Variants in KAZN observed in about 807,000 individuals in gnomAD.
KAZN encodes the protein kazrin.
In KAZN, 40 loss-of-function variants were observed where a neutral mutation model predicts 87.4. That is an observed-to-expected ratio of 0.46 (90% CI 0.36 to 0.60). The LOEUF is 0.60. KAZN is among the 20% of genes least tolerant of loss of function. The pLI is 0.00. For synonymous variants in KAZN, 466 were observed against 458.3 expected (o/e 1.02, Z -0.22); for missense variants, 898 against 1,073.9 (o/e 0.84, Z 2.29).
chr1:14,139,545 T>A (rs1645186618), intron 1 of KAZN, among the ~76,000 whole-genome samples: 1 of 152,212 alleles, frequency 6.6e-6, no homozygotes, highest in Non-Finnish European at 1.5e-5. Context: ...CCCAGCCCCA[T>A]TATTCTATTC....
At chr1:14,181,158 G>A (rs975410779) in intron 2 of KAZN, among the ~76,000 whole-genome samples, 1 of 152,112 alleles carries the variant, frequency 6.6e-6, no homozygotes, top group East Asian at 1.9e-4. Context: ...TGGCTTTGTT[G>A]GTGGGTCTCT....
At chr1:14,264,845 G>A (rs756119200) in intron 2 of KAZN, among the ~76,000 whole-genome samples, 1 of 152,156 alleles carries the variant, frequency 6.6e-6, no homozygotes, top group African/African-American at 2.4e-5. Context: ...TAATGGTTCA[G>A]TAATTAGATT....
chr1:14,634,848 G>A (rs1040431285), intron 1 of KAZN, among the ~76,000 whole-genome samples: 4 of 152,102 alleles, frequency 2.6e-5, no homozygotes, highest in African/African-American at 9.7e-5. Context: ...AGGGGTGGGT[G>A]GGTTTTAGGA....
chr1:14,436,616 G>A (rs905082222), intron 2 of KAZN, among the ~76,000 whole-genome samples: 2 of 151,434 alleles, frequency 1.3e-5, no homozygotes, highest in Non-Finnish European at 2.9e-5. Flanking sequence ...TACTTGAGAA[G>A]CTGAGGCAGG....
chr1:14,204,138 C>T (rs371378449), intron 2 of KAZN, among the ~76,000 whole-genome samples: 2 of 152,288 alleles, frequency 1.3e-5, no homozygotes, highest in East Asian at 1.9e-4. Context: ...CTGGTTGACC[C>T]GTTCTTTGAA....
At chr1:14,076,732 AGAGACT>A (rs1643474734) in intron 1 of KAZN, among the ~76,000 whole-genome samples, 2 of 152,334 alleles carry the variant, frequency 1.3e-5, no homozygotes, top group African/African-American at 4.8e-5. Context: ...TAATTGTGAC[AGAGACT>A]GAGAGGCCTG....
At chr1:14,744,717 C>T (rs1644213769) in intron 1 of KAZN, among the ~76,000 whole-genome samples, 1 of 152,166 alleles carries the variant, frequency 6.6e-6, no homozygotes, top group African/African-American at 2.4e-5. Flanking sequence ...GCCTGGGTAA[C>T]CCAGTCTCTT....
chr1:14,406,487 C>A (rs1663862708), intron 2 of KAZN, among the ~76,000 whole-genome samples: 2 of 151,802 alleles, frequency 1.3e-5, no homozygotes, highest in Admixed American at 1.3e-4. Context: ...GGGAGCTAAG[C>A]TATGAGGATG....
At chr1:14,451,228 G>A (rs993334606) in intron 2 of KAZN, among the ~76,000 whole-genome samples, 1 of 152,048 alleles carries the variant, frequency 6.6e-6, no homozygotes, top group African/African-American at 2.4e-5. Flanking sequence ...CAGTTGCTAA[G>A]TACCCCACAA....
chr1:14,046,559 A>G (rs1557430006), intron 1 of KAZN, among the ~76,000 whole-genome samples: 1 of 152,198 alleles, frequency 6.6e-6, no homozygotes, highest in African/African-American at 2.4e-5. Context: ...TTCCTCCCGC[A>G]TAGAACTTGC....
chr1:15,084,342 A>G (rs1469210977), intron 8 of KAZN, among the ~76,000 whole-genome samples: 1 of 152,232 alleles, frequency 6.6e-6, no homozygotes, highest in Non-Finnish European at 1.5e-5. Context: ...GACAGTGCAC[A>G]CAGCCAGAGG....
At chr1:14,185,373 A>G (rs1323982618) in intron 2 of KAZN, among the ~76,000 whole-genome samples, 1 of 152,228 alleles carries the variant, frequency 6.6e-6, no homozygotes, top group Admixed American at 6.5e-5. Context: ...CATAGGAGAA[A>G]GAAATACTTA....
chr1:14,306,817 G>A (rs1654962831), intron 2 of KAZN, among the ~76,000 whole-genome samples: 1 of 152,166 alleles, frequency 6.6e-6, no homozygotes, highest in African/African-American at 2.4e-5. Flanking sequence ...AAGTTCCTGG[G>A]CTCTACCTAC....
chr1:14,848,687 T>C (rs1449472811), intron 1 of KAZN, among the ~76,000 whole-genome samples: 1 of 152,126 alleles, frequency 6.6e-6, no homozygotes, highest in Non-Finnish European at 1.5e-5. Context: ...ACAGTTCCAT[T>C]AGGCAGCTGC....
At chr1:13,950,453 GT>G (rs1208845063) in intron 1 of KAZN, among the ~76,000 whole-genome samples, 4 of 152,196 alleles carry the variant, frequency 2.6e-5, no homozygotes, top group Admixed American at 2.6e-4. Flanking sequence ...CCAGCGTTCA[GT>G]GTACTGCCTG....
intron 1 of KAZN, among the ~76,000 whole-genome samples, chr1:13,896,571 A>G (rs922123123): frequency 1.3e-5 from 2 of 152,148 alleles, no homozygotes; most frequent in African/African-American, 4.8e-5. Flanking sequence ...GGATTATAGG[A>G]GTGAGCAACC....
At chr1:14,959,188 C>T (rs1663539517) in intron 1 of KAZN, among the ~76,000 whole-genome samples, 1 of 152,188 alleles carries the variant, frequency 6.6e-6, no homozygotes, top group African/African-American at 2.4e-5. Context: ...CCCACCCGCC[C>T]CTAGAGCCAA....
intron 1 of KAZN, among the ~76,000 whole-genome samples, chr1:14,944,159 T>C (rs1209880841): frequency 6.6e-6 from 1 of 151,316 alleles, no homozygotes; most frequent in Non-Finnish European, 1.5e-5. Context: ...AGAAATTCTG[T>C]CTTCAGACAT....
At chr1:15,045,865 C>T (rs555639230) in intron 4 of KAZN, among the ~76,000 whole-genome samples, 56 of 152,290 alleles carry the variant, frequency 3.7e-4, no homozygotes, top group East Asian at 7.7e-4. Flanking sequence ...GGGAAACCAG[C>T]GCCATTATCC....
Sources: allele counts gnomAD v4.1 joint callset (sites outside exome capture counted in the v4.1 genomes callset), GRCh38; gene constraint gnomAD v4.1.1; transcripts MANE v1.5; gene names NCBI Gene and HGNC (gene_info 2026-07-23, HGNC 2026-07-21).